SLC13A3: variants seen among roughly 807,000 people sequenced by gnomAD.
The protein encoded by SLC13A3 is Na(+)/dicarboxylate cotransporter 3.
A neutral mutation model predicts 59.0 loss-of-function variants in SLC13A3; 40 were observed. The ratio of observed to expected loss-of-function variants is 0.68; its 90% CI spans 0.53 to 0.88. The LOEUF is 0.88. SLC13A3 is among the 40% of genes least tolerant of loss of function. The pLI is 0.00. For missense variants in SLC13A3, 699 were observed against 783.2 expected (o/e 0.89, Z 1.28); for synonymous variants, 317 against 330.3 (o/e 0.96, Z 0.44).
At chr20:46,587,007 A>G (rs963384853) in intron 8 of SLC13A3, among the ~76,000 whole-genome samples, 3 of 152,224 alleles carry the variant, frequency 2.0e-5, no homozygotes, top group African/African-American at 4.8e-5. Flanking sequence ...GTATTACAAG[A>G]CGTTGTCTTT....
rs560669102 is a variant in SLC13A3, at chr20:46,634,360, G to A, written c.111+16951C>T. 2.2e-4 allele frequency among the ~76,000 whole-genome samples: 33 copies of A among 152,306 alleles called. No homozygotes were observed. The South Asian group carries it at 4.1e-3, about 19-fold the overall frequency. On this transcript the variant is annotated intron_variant, in intron 1 of 12. Coordinates refer to ENST00000279027, the MANE Select transcript of SLC13A3 (RefSeq NM_022829.6). The stretch of plus-strand genomic sequence containing the variant: ...GCAGATGGAAGTAGTTGAGGCCACC[G>A]GGAAGTCTTGCTTCTGGTTGCCAAC...
rs1229169798 is a variant in SLC13A3, at chr20:46,613,550, C to T, written c.287G>A (p.Gly96Glu). 2 of 1,613,946 alleles carry T rather than the reference C, an allele frequency of 1.2e-6. No individual in the cohort carries two copies. The highest frequency in any genetic ancestry group is 1.7e-6 in the Non-Finnish European group (2 of 1,180,010). ...FLDTNFLFLSGLIMASAIEEW... is the reference protein window; with the variant it reads ...FLDTNFLFLSELIMASAIEEW... ...CTCAATGGCGCTGGCCATGATCAGC[C>T]CACTGAGGAAGAGGAAGTTGGTGTC... Residue 96 changes from glycine to glutamate, a missense_variant, in exon 2 of 13, where the codon GGG becomes GAG. Transcript: ENST00000279027.
chr20:46,632,915 C>CAGA (rs1568947696), intron 1 of SLC13A3, among the ~76,000 whole-genome samples: 3 of 34,120 alleles, frequency 8.8e-5, no homozygotes, highest in South Asian at 2.3e-3. Context: ...ATAGATATAT[C>CAGA]TATCTATCTA....
At chr20:46,630,918 C>T (rs1191011412) in intron 1 of SLC13A3, among the ~76,000 whole-genome samples, 1 of 152,184 alleles carries the variant, frequency 6.6e-6, no homozygotes, top group Non-Finnish European at 1.5e-5. Flanking sequence ...CATACCATCT[C>T]CCTTGGAGAG....
rs775809895 is a variant in SLC13A3, at chr20:46,592,432, A to C, written c.892T>G (p.Ser298Ala). 5 of 1,613,906 alleles carry C rather than the reference A, an allele frequency of 3.1e-6. No homozygotes were observed. The South Asian group carries it at 5.5e-5, about 18-fold the overall frequency. ...AAGCTCAGTCCCCCGTACAGGAAGG[A>C]GATCCAGAGCCAGCCTGCCAACAGG... ...LFLLAGWLWI[S>A]FLYGGLSFRG... The change falls in exon 6 of 13, where the codon TCC becomes GCC. Residue 298 changes from serine (S) to alanine (A), a missense_variant. Coordinates refer to ENST00000279027, the MANE Select transcript of SLC13A3 (RefSeq NM_022829.6).
chr20:46,606,615 G>T (rs932575687), intron 3 of SLC13A3, among the ~76,000 whole-genome samples: 1 of 152,216 alleles, frequency 6.6e-6, no homozygotes, highest in South Asian at 2.1e-4. Flanking sequence ...GAGGCTAGAG[G>T]ATCACTTGAG....
chr20:46,667,755 A>G (rs1429208311), intron 1 of SLC13A3, among the ~76,000 whole-genome samples: 1 of 152,194 alleles, frequency 6.6e-6, no homozygotes, highest in African/African-American at 2.4e-5. Flanking sequence ...ATCTTGTCTC[A>G]TTGTGTTTTA....
intron 1 of SLC13A3, among the ~76,000 whole-genome samples, chr20:46,617,607 T>C (rs847098): frequency 0.043 from 2,186 of 51,234 alleles, 47 homozygotes; most frequent in African/African-American, 0.21. Flanking sequence ...TGTGTGTGTG[T>C]GCGTGTGTGT....
intron 3 of SLC13A3, among the ~76,000 whole-genome samples, chr20:46,607,320 A>G (rs894856680): frequency 6.6e-6 from 1 of 152,156 alleles, no homozygotes; most frequent in African/African-American, 2.4e-5. Flanking sequence ...TCATGAACCT[A>G]TAGCTCCTAG....
At chr20:46,582,863 G>C (rs2062151981) in intron 9 of SLC13A3, 1 of 985,308 alleles carries the variant, frequency 1.0e-6, no homozygotes, top group South Asian at 4.7e-5. Context: ...ACATCTGCTG[G>C]ACACCGGAGG....
chr20:46,673,069 G>C (rs1408594056), upstream of SLC13A3, among the ~76,000 whole-genome samples: 1 of 152,136 alleles, frequency 6.6e-6, no homozygotes, highest in African/African-American at 2.4e-5. Context: ...TGTGCACCTG[G>C]TGGGCTCATA....
chr20:46,657,804 C>CA (rs1790462834), intron 1 of SLC13A3, among the ~76,000 whole-genome samples: 2 of 152,136 alleles, frequency 1.3e-5, no homozygotes, highest in Admixed American at 1.3e-4. Context: ...GCAGGCAGGT[C>CA]ACATGTCCAG....
chr20:46,640,252 A>C (rs536791029), intron 1 of SLC13A3, among the ~76,000 whole-genome samples: 1 of 152,242 alleles, frequency 6.6e-6, no homozygotes, highest in Non-Finnish European at 1.5e-5. Flanking sequence ...AGGGGAGCTG[A>C]GTACAGTGGA....
chr20:46,585,817 T>C, intron 8 of SLC13A3: 2 of 1,257,172 alleles, frequency 1.6e-6, no homozygotes, highest in South Asian at 2.7e-5. Flanking sequence ...CATGGCTTCA[T>C]GAAATTATAT....
chr20:46,591,666 A>G (rs1431591109), intron 6 of SLC13A3, among the ~76,000 whole-genome samples: 2 of 152,194 alleles, frequency 1.3e-5, no homozygotes, highest in Admixed American at 1.3e-4. Flanking sequence ...TGATAAAGAC[A>G]TATTTCCCAT....
chr20:46,680,701 G>A (rs1317268663), intron 1 of SLC13A3, among the ~76,000 whole-genome samples: 1 of 152,240 alleles, frequency 6.6e-6, no homozygotes, highest in East Asian at 1.9e-4. Flanking sequence ...CCGCAGAATT[G>A]ACTGAAGCTG....
chr20:46,643,653 C>T (rs1006050322), intron 1 of SLC13A3, among the ~76,000 whole-genome samples: 9 of 152,162 alleles, frequency 5.9e-5, no homozygotes, highest in East Asian at 5.8e-4. Flanking sequence ...GAGCTAGCTA[C>T]GATCTGAATA....
chr20:46,610,632 G>A, intron 2 of SLC13A3, 23 bp from the exon 3 acceptor site: 1 of 1,596,436 alleles, frequency 6.3e-7, no homozygotes, highest in Non-Finnish European at 8.5e-7. Context: ...TGGCATTAGA[G>A]GCAAATCCAG....
In SLC13A3 at chr20:46,651,389, C is replaced by T. The variant is rs1364264548; in HGVS notation, c.33G>A (p.Val11=). Residue 11 remains valine, a synonymous_variant, in exon 1 of 13, where the codon GTG becomes GTA. Transcript: ENST00000279027. MAALAAAAKK[V]WSARRLLVLL... is the part of the protein sequence containing the mutation. ...GCACCAGCAGCCGCCGCGCGCTCCACACCTTCTTGGCCGCTGCTGCCAGCG... is the reference window on the plus strand; with the variant it reads ...GCACCAGCAGCCGCCGCGCGCTCCATACCTTCTTGGCCGCTGCTGCCAGCG... The T allele has an allele frequency of 2.0e-6, 3 of 1,507,430 alleles. No individual in the cohort carries two copies. Among genetic ancestry groups the T allele is most frequent in the Non-Finnish European group, 2.6e-6 (3 of 1,132,372 alleles). The allele number at this position is 1,507,430 out of a possible 1,614,324, so 93.4% of individuals were successfully genotyped here.
Sources: gnomAD v4.1 joint callset for allele counts (sites outside exome capture counted in the v4.1 genomes callset) on GRCh38, gnomAD v4.1.1 for gene constraint, MANE v1.5 for transcripts, NCBI Gene and HGNC (gene_info 2026-07-23, HGNC 2026-07-21) for gene names.